The following ACSM6 variants were observed in gnomAD, a reference collection of about 807,000 sequenced individuals.
ACSM6 encodes the protein acyl-CoA synthetase medium chain family member 6, also known as acyl-coenzyme A synthetase ACSM6, mitochondrial.
ACSM6 carries 35 observed loss-of-function variants against 51.1 expected under a neutral mutation model. The ratio of observed to expected loss-of-function variants is 0.69; its 90% confidence interval spans 0.52 to 0.91. ACSM6 has a LOEUF of 0.91. Ranked by LOEUF, ACSM6 falls within the 40% of genes least tolerant of loss-of-function variation. The pLI, the probability that ACSM6 is intolerant of heterozygous loss-of-function variation, is 0.00. For missense variants in ACSM6, 509 were observed against 584.1 expected, an observed-to-expected ratio of 0.87 and a Z score of 1.32; for synonymous variants, 172 against 207.3, an observed-to-expected ratio of 0.83 and a Z score of 1.46.
At chr10:95,205,025 A>G (rs649770) in intron 3 of ACSM6, among the ~76,000 whole-genome samples, 78,835 of 151,976 alleles carry the variant, frequency 0.52, 21,371 homozygotes, top group Middle Eastern at 0.66. Flanking sequence ...CTGCACAGTG[A>G]TGGCTCTAAC....
rs544093064 is a variant in ACSM6, at chr10:95,220,239, G to A, written c.1200+268G>A. Among the ~76,000 whole-genome samples, 7 of 151,942 alleles carry A rather than the reference G, an allele frequency of 4.6e-5. No homozygotes were observed. The South Asian group carries it at 6.2e-4, about 14-fold the overall frequency. ...TTCAAGTTTCAAATATGGAGAAATC[G>A]AATAAAAAAAATTGCTATTAAAAAG... On this transcript the variant is annotated intron_variant, in intron 9 of 10. Coordinates refer to ENST00000341686, the Ensembl canonical transcript of ACSM6.
intron 8 of ACSM6, 39 bp downstream of exon 8, chr10:95,215,014 A>G (rs1360169260): frequency 1.3e-6 from 2 of 1,549,064 alleles, no homozygotes; most frequent in Non-Finnish European, 8.7e-7. Context: ...CAGAAACCAA[A>G]CTTGCCCATT....
chr10:95,201,987 C>T (rs936299659), exon 3 of ACSM6: 19 of 1,551,368 alleles, frequency 1.2e-5, no homozygotes, highest in Admixed American at 3.9e-5. Flanking sequence ...CTGCCTAGGA[C>T]GGACTCAGAG....
At chr10:95,222,792 A>C (rs2133393185) in intron 9 of ACSM6, among the ~76,000 whole-genome samples, 1 of 144,492 alleles carries the variant, frequency 6.9e-6, no homozygotes, top group African/African-American at 2.9e-5. Context: ...AACAGTTAAC[A>C]ACACTGTATT....
intron 5 of ACSM6, 31 bp from the exon 6 acceptor site, chr10:95,211,847 G>T (rs2133382816): frequency 6.4e-7 from 1 of 1,563,862 alleles, no homozygotes. Flanking sequence ...CAGCACGAGA[G>T]AATTCAAATG....
At chr10:95,203,981 C>T (rs79904223) in intron 3 of ACSM6, among the ~76,000 whole-genome samples, 7,462 of 151,990 alleles carry the variant, frequency 0.049, 647 homozygotes, top group African/African-American at 0.17. Flanking sequence ...TACCCTCAGG[C>T]CTATCCAGGC....
At chr10:95,216,205 A>G (rs971791644) in intron 8 of ACSM6, among the ~76,000 whole-genome samples, 1 of 152,094 alleles carries the variant, frequency 6.6e-6, no homozygotes, top group Non-Finnish European at 1.5e-5. Flanking sequence ...CATATCCAAG[A>G]TGACAGACAC....
chr10:95,198,064 A>G (rs2034753958), intron 2 of ACSM6, among the ~76,000 whole-genome samples: 1 of 152,224 alleles, frequency 6.6e-6, no homozygotes. Flanking sequence ...GGTTGGGTCA[A>G]AGTAGCTGGG....
intron 10 of ACSM6, chr10:95,226,251 C>A (rs1211756907): frequency 2.6e-5 from 4 of 152,112 alleles, no homozygotes; most frequent in Admixed American, 2.6e-4. Context: ...ATAGATGATT[C>A]TTTTCTTTTT....
chr10:95,208,290 A>C (rs1486341586), intron 4 of ACSM6, among the ~76,000 whole-genome samples: 1 of 152,218 alleles, frequency 6.6e-6, no homozygotes, highest in Non-Finnish European at 1.5e-5. Context: ...ATGGACACAG[A>C]GTGTGGAATA....
At chr10:95,213,153 T>C (rs1281189526) in intron 7 of ACSM6, among the ~76,000 whole-genome samples, 2 of 152,190 alleles carry the variant, frequency 1.3e-5, no homozygotes, top group African/African-American at 4.8e-5. Context: ...TAAAATTAAA[T>C]TATAATTAGA....
At chr10:95,208,933 T>TAAAAAAA (rs34370150) in intron 4 of ACSM6, among the ~76,000 whole-genome samples, 612 of 33,878 alleles carry the variant, frequency 0.018, 73 homozygotes, top group Middle Eastern at 0.028. Context: ...CAGGGATGTT[T>TAAAAAAA]AAAAAAAAAA....
chr10:95,201,349 T>A (rs549553144), intron 2 of ACSM6: 2 of 393,476 alleles, frequency 5.1e-6, no homozygotes, highest in Admixed American at 5.5e-5. Flanking sequence ...ATTATTTCCA[T>A]CTTTATGTCC....
intron 2 of ACSM6, among the ~76,000 whole-genome samples, chr10:95,197,708 C>T (rs561944774): frequency 0.014 from 2,073 of 151,482 alleles, 23 homozygotes; most frequent in Non-Finnish European, 0.017. Context: ...GAGACAGTGG[C>T]CTTCCTCTAT....
exon 7 of ACSM6, chr10:95,212,920 T>G: frequency 6.2e-7 from 1 of 1,611,976 alleles, no homozygotes; most frequent in Non-Finnish European, 8.5e-7. Context: ...AGGAACTGCT[T>G]CAGCACAAGT....
chr10:95,225,452 A>T, intron 10 of ACSM6, 61 bp downstream of exon 10: 2 of 1,160,044 alleles, frequency 1.7e-6, no homozygotes, highest in African/African-American at 1.6e-5. Flanking sequence ...TAGTGCCATT[A>T]TTGTTGAGTA....
At chr10:95,207,493 G>C in intron 4 of ACSM6, 78 bp downstream of exon 4, 4 of 1,427,240 alleles carry the variant, frequency 2.8e-6, no homozygotes, top group Non-Finnish European at 3.9e-6. Flanking sequence ...TGAGAAAGTG[G>C]TGTGAGTGGT....
intron 7 of ACSM6, among the ~76,000 whole-genome samples, 158 bp downstream of exon 7, chr10:95,213,098 T>A (rs1246701800): frequency 6.6e-6 from 1 of 152,170 alleles, no homozygotes; most frequent in East Asian, 1.9e-4. Context: ...TGTGTGTGAT[T>A]TTTTATTCCC....
intron 6 of ACSM6, 61 bp from the exon 7 acceptor site, chr10:95,212,797 C>A: frequency 7.5e-7 from 1 of 1,334,784 alleles, no homozygotes. Flanking sequence ...ACCCCTGCCA[C>A]AGTCTCACTG....
Sources: gnomAD v4.1 joint callset for allele counts (sites outside exome capture counted in the v4.1 genomes callset) on GRCh38, gnomAD v4.1.1 for gene constraint, MANE v1.5 for transcripts, NCBI Gene and HGNC (gene_info 2026-07-23, HGNC 2026-07-21) for gene names.